Variants in DNM2 observed in about 807,000 individuals in gnomAD.
The protein encoded by DNM2 is dynamin-2.
A neutral mutation model predicts 99.0 loss-of-function variants in DNM2; 15 were observed. That is an observed-to-expected ratio of 0.15 (90% CI 0.10 to 0.23). The LOEUF (loss-of-function observed/expected upper bound fraction) is 0.23. DNM2 is among the 10% of genes least tolerant of loss of function. The pLI is 1.00. For missense variants in DNM2, 742 were observed against 1,189.4 expected (o/e 0.62, Z 5.53); for synonymous variants, 525 against 481.2 (o/e 1.09, Z -1.19).
intron 1 of DNM2, among the ~76,000 whole-genome samples, chr19:10,747,181 A>C (rs2070019382): frequency 6.6e-6 from 1 of 151,796 alleles, no homozygotes; most frequent in African/African-American, 2.4e-5. Context: ...TTTTACTTTG[A>C]TTCGATGGGG....
At chr19:10,803,922 G>A (rs2072245676) in intron 12 of DNM2, among the ~76,000 whole-genome samples, 1 of 152,196 alleles carries the variant, frequency 6.6e-6, no homozygotes, top group African/African-American at 2.4e-5. Flanking sequence ...ATGAGAGTAG[G>A]AAGAGAGGGT....
chr19:10,770,291 G>A (rs1053986562), intron 2 of DNM2, among the ~76,000 whole-genome samples: 2 of 152,170 alleles, frequency 1.3e-5, no homozygotes, highest in African/African-American at 4.8e-5. Flanking sequence ...CCTGGTGGAC[G>A]TTGAGGCCAT....
rs1219335368 is a variant in DNM2, at chr19:10,820,437, G to A, written c.1781+348G>A. Among the ~76,000 whole-genome samples, 1 of 152,232 alleles carries A rather than the reference G, an allele frequency of 6.6e-6. No homozygotes were observed. The highest frequency in any genetic ancestry group is 1.5e-5 in the Non-Finnish European group (1 of 68,034). On this transcript the variant is annotated intron_variant, in intron 16 of 20. Transcript: ENST00000389253. This position sits in a 1 kb window ranked among gnomAD's most constrained non-coding sequence, Gnocchi z 4.3. ...TATGAGAGGGTGAGAGATGGGGGAC[G>A]AGGGCAAAGGCCGCTGCCTTGTCCA... is the stretch of plus-strand genomic sequence containing the variant.
chr19:10,735,039 T>A (rs530038488), intron 1 of DNM2, among the ~76,000 whole-genome samples: 1 of 151,744 alleles, frequency 6.6e-6, no homozygotes, highest in African/African-American at 2.4e-5. Flanking sequence ...TTTTGTTTGT[T>A]TGTTTTTTGT....
chr19:10,721,018 C>G (rs2068920694), intron 1 of DNM2, among the ~76,000 whole-genome samples: 1 of 152,088 alleles, frequency 6.6e-6, no homozygotes, highest in African/African-American at 2.4e-5. Flanking sequence ...GAACCTGGGT[C>G]TCTCTCCCAT....
At chr19:10,784,341 C>T (rs1277535672) in intron 6 of DNM2, among the ~76,000 whole-genome samples, 3 of 152,132 alleles carry the variant, frequency 2.0e-5, no homozygotes, top group Non-Finnish European at 4.4e-5. Context: ...CCAGAGAAGG[C>T]AGCTCAGGAG....
chr19:10,825,853 CAAAA>C (rs35659147), intron 18 of DNM2, among the ~76,000 whole-genome samples: 1 of 67,056 alleles, frequency 1.5e-5, no homozygotes, highest in Non-Finnish European at 3.2e-5. Flanking sequence ...GACTCCATCT[CAAAA>C]AAAAAAAAAA....
chr19:10,821,276 C>T (rs376722032), intron 16 of DNM2, among the ~76,000 whole-genome samples: 3 of 152,124 alleles, frequency 2.0e-5, no homozygotes, highest in South Asian at 2.1e-4. Context: ...GTCCCTGAGC[C>T]GTGTGCCTCC....
chr19:10,762,438 C>T (rs536325942), intron 2 of DNM2, among the ~76,000 whole-genome samples: 2 of 152,234 alleles, frequency 1.3e-5, no homozygotes, highest in African/African-American at 4.8e-5. Flanking sequence ...GCGGAGACTG[C>T]CCAGGTTCCC....
At chr19:10,824,939 C>A in intron 17 of DNM2, 118 bp from the exon 18 acceptor site, 2 of 1,527,454 alleles carry the variant, frequency 1.3e-6, no homozygotes, top group Non-Finnish European at 1.8e-6. Context: ...GCCAGTGGGG[C>A]TGTCAGGGGC....
chr19:10,818,589 C>T lies in DNM2; in HGVS notation c.1672-1391C>T, dbSNP rs192060225. 6.6e-6 allele frequency among the ~76,000 whole-genome samples: 1 copy of T among 152,358 alleles called. No homozygotes were observed. Among genetic ancestry groups the T allele is most frequent in the East Asian group, 1.9e-4 (1 of 5,162 alleles). On this transcript the variant is annotated intron_variant, in intron 15 of 20. Coordinates refer to ENST00000389253, the MANE Select transcript of DNM2 (RefSeq NM_001005361.3). The surrounding 1 kb of genome is among the most constrained non-coding windows in gnomAD (Gnocchi z 4.3). Reference sequence around the variant, plus strand: ...TGCCAAGCCCACTGCTTCATCCTGGCTCCCCTTGCAAAGTCCTGACAGTCC... The same window carrying T: ...TGCCAAGCCCACTGCTTCATCCTGGTTCCCCTTGCAAAGTCCTGACAGTCC...
chr19:10,793,547 G>T (rs2071826288), intron 7 of DNM2, among the ~76,000 whole-genome samples, 173 bp from the exon 8 acceptor site: 2 of 152,234 alleles, frequency 1.3e-5, no homozygotes, highest in Admixed American at 1.3e-4. Flanking sequence ...CTCGTAGCCA[G>T]CATTTGCCAT....
chr19:10,789,042 GA>G (rs1176109516), intron 7 of DNM2, among the ~76,000 whole-genome samples: 1 of 152,160 alleles, frequency 6.6e-6, no homozygotes, highest in Non-Finnish European at 1.5e-5. Context: ...GCTTCAGGAG[GA>G]AATTCATAGC....
intron 5 of DNM2, among the ~76,000 whole-genome samples, chr19:10,782,747 T>C (rs2071421995): frequency 6.6e-6 from 1 of 152,218 alleles, no homozygotes; most frequent in African/African-American, 2.4e-5. Flanking sequence ...ACAGGCTGGA[T>C]GTGAGCTCTC....
chr19:10,749,164 G>C (rs1340258963), intron 1 of DNM2, among the ~76,000 whole-genome samples: 1 of 152,214 alleles, frequency 6.6e-6, no homozygotes, highest in Non-Finnish European at 1.5e-5. Flanking sequence ...CTCACCCTCT[G>C]TGGGCTTATC....
At chr19:10,821,584 T>A (rs2072971916) in intron 16 of DNM2, among the ~76,000 whole-genome samples, 1 of 151,906 alleles carries the variant, frequency 6.6e-6, no homozygotes, top group African/African-American at 2.4e-5. Context: ...CAGGCTAGAG[T>A]GCAATGGTGC....
intron 18 of DNM2, 67 bp from the exon 19 acceptor site, chr19:10,828,969 A>G (rs748852181): frequency 8.6e-6 from 13 of 1,512,142 alleles, no homozygotes; most frequent in Non-Finnish European, 1.2e-5. Flanking sequence ...ATGTTTTTCC[A>G]GCAGTCACTG....
At chr19:10,774,781 T>A (rs1401983363) in intron 3 of DNM2, among the ~76,000 whole-genome samples, 1 of 145,002 alleles carries the variant, frequency 6.9e-6, no homozygotes, top group African/African-American at 2.6e-5. Context: ...ATATATTTAT[T>A]TTTTTTTTTT....
Position 10,718,536 on chromosome 19 carries a change from G to T in DNM2, c.161+133G>T, listed in dbSNP as rs941497710. On this transcript the variant is annotated intron_variant, in intron 1 of 20. Coordinates refer to ENST00000389253, the MANE Select transcript of DNM2 (RefSeq NM_001005361.3). ...CCGCGGCGGGGAACCGGACGGGGTC[G>T]GGGAGGCGGGCCCTGTGGGACGCCC... The T allele has an allele frequency of 2.5e-5, 30 of 1,207,756 alleles. No individual in the cohort carries two copies. In the African/African-American group the frequency reaches 4.1e-4, roughly 17 times the overall value. 74.8% of individuals were successfully genotyped at this position (1,207,756 alleles called of 1,614,324 possible). A position where few individuals can be genotyped will look rare whatever the true frequency, so the allele number is the denominator to read the frequency against.
Sources: gnomAD v4.1 joint callset for allele counts (sites outside exome capture counted in the v4.1 genomes callset) on GRCh38, gnomAD v4.1.1 for gene constraint, Gnocchi (gnomAD v3.1) non-coding constraint, MANE v1.5 for transcripts, NCBI Gene and HGNC (gene_info 2026-07-23, HGNC 2026-07-21) for gene names.